The following TMPRSS11D variants were observed in gnomAD, a reference collection of about 807,000 sequenced individuals.
TMPRSS11D encodes the protein transmembrane serine protease 11D, also known as transmembrane protease serine 11D.
TMPRSS11D carries 32 observed loss-of-function variants against 44.4 expected under a neutral mutation model. The observed-to-expected ratio is 0.72, with a 90% CI of 0.54 to 0.97. The LOEUF (loss-of-function observed/expected upper bound fraction) is 0.97. TMPRSS11D is among the 50% of genes least tolerant of loss of function. The pLI is 0.00. For missense variants in TMPRSS11D, 446 were observed against 502.6 expected (o/e 0.89, Z 1.08); for synonymous variants, 179 against 177.9 (o/e 1.01, Z -0.05).
chr4:67,882,498 G>T (rs541019027), intron 1 of TMPRSS11D, among the ~76,000 whole-genome samples: 135 of 152,172 alleles, frequency 8.9e-4, no homozygotes, highest in African/African-American at 3.2e-3. Context: ...TTAGAAATTT[G>T]ATTGATTCAA....
intron 1 of TMPRSS11D, among the ~76,000 whole-genome samples, chr4:67,870,978 T>C (rs1437908785): frequency 6.6e-6 from 1 of 152,174 alleles, no homozygotes; most frequent in African/African-American, 2.4e-5. Context: ...GTGAGGATTT[T>C]TATGTTCCTT....
intron 1 of TMPRSS11D, among the ~76,000 whole-genome samples, chr4:67,872,061 A>G (rs1719073197): frequency 6.6e-6 from 1 of 152,148 alleles, no homozygotes. Context: ...GGATAGCCCA[A>G]CATGTACTGT....
intron 1 of TMPRSS11D, among the ~76,000 whole-genome samples, chr4:67,872,432 AT>A (rs1719081316): frequency 6.6e-6 from 1 of 152,094 alleles, no homozygotes; most frequent in Non-Finnish European, 1.5e-5. Flanking sequence ...GTGATATTTT[AT>A]TGTAAAAATG....
chr4:67,861,766 G>A (rs974428369), intron 1 of TMPRSS11D, among the ~76,000 whole-genome samples: 1 of 152,002 alleles, frequency 6.6e-6, no homozygotes. Context: ...CAAACAAAGG[G>A]TGTGGAGCCC....
chr4:67,832,235 G>C (rs1717962886), intron 7 of TMPRSS11D, among the ~76,000 whole-genome samples: 1 of 152,060 alleles, frequency 6.6e-6, no homozygotes, highest in African/African-American at 2.4e-5. Context: ...AGGAGGTCCA[G>C]TTTAGAGTAA....
chr4:67,826,671 A>T (rs990833403), intron 8 of TMPRSS11D, among the ~76,000 whole-genome samples: 2 of 150,632 alleles, frequency 1.3e-5, no homozygotes, highest in African/African-American at 2.4e-5. Context: ...AAATCCTCCC[A>T]TTGCTTTGGG....
At chr4:67,857,479 T>A (rs895887201) in intron 2 of TMPRSS11D, among the ~76,000 whole-genome samples, 1 of 152,012 alleles carries the variant, frequency 6.6e-6, no homozygotes, top group Admixed American at 6.6e-5. Flanking sequence ...CCAGGCATGG[T>A]GGCTCATGCC....
chr4:67,834,933 G>A (rs1254541464), intron 6 of TMPRSS11D, 150 bp downstream of exon 6: 4 of 711,536 alleles, frequency 5.6e-6, no homozygotes, highest in African/African-American at 5.4e-5. Flanking sequence ...CTTGGGATCA[G>A]CACTGTCTTG....
intron 1 of TMPRSS11D, among the ~76,000 whole-genome samples, chr4:67,873,062 T>G (rs1399199419): frequency 6.6e-6 from 1 of 152,094 alleles, no homozygotes; most frequent in Non-Finnish European, 1.5e-5. Flanking sequence ...TGTGTCAGAG[T>G]GGATAAAGGA....
intron 8 of TMPRSS11D, among the ~76,000 whole-genome samples, 192 bp from the exon 9 acceptor site, chr4:67,826,066 G>C (rs1717785412): frequency 6.6e-6 from 1 of 152,020 alleles, no homozygotes; most frequent in African/African-American, 2.4e-5. Flanking sequence ...CCCTTTCACA[G>C]ATCAGTTTTT....
In TMPRSS11D at chr4:67,833,349, A is replaced by T. The variant is rs201995425; in HGVS notation, c.547T>A (p.Ser183Thr). 189 of 1,584,412 alleles carry T rather than the reference A, an allele frequency of 1.2e-4. No individual in the cohort carries two copies. Among genetic ancestry groups the T allele is most frequent in the African/African-American group, 2.7e-5 (2 of 73,168 alleles). ...GTGCCTCCAAGGATTCTCTGCTCAG[A>T]CAATGTTATTAGGTCTGGACCGGCC... ...CGAGPDLITL[S>T]EQRILGGTEA... The change falls in exon 7 of 10, where the codon TCT becomes ACT. Residue 183 changes from serine to threonine, a missense_variant. Physicochemically the swap from Ser to Thr is moderately conservative, Grantham distance 58 (BLOSUM62 1). Transcript: ENST00000283916.
At position 67,859,538 on chromosome 4, in the gene TMPRSS11D, A is replaced by G. The variant is rs754209390; in HGVS notation, c.130+19T>C. ...ATGTAGCTATTAAATCTGAAGAGTA[A>G]TAATGTTCTGGTACTTACCAAAAGC... On this transcript the variant is annotated intron_variant, in intron 2 of 9. Transcript: ENST00000283916. The G allele has an allele frequency of 3.7e-6, 6 of 1,611,368 alleles. No individual in the cohort carries two copies. Among genetic ancestry groups the G allele is most frequent in the Non-Finnish European group, 5.1e-6 (6 of 1,178,242 alleles).
chr4:67,883,793 T>C (rs554223093), intron 1 of TMPRSS11D, 133 bp downstream of exon 1: 1 of 610,482 alleles, frequency 1.6e-6, no homozygotes, highest in African/African-American at 1.9e-5. Context: ...TCTAAGAGTT[T>C]CGATGAAGTT....
At chr4:67,864,794 A>G (rs1410007709) in intron 1 of TMPRSS11D, among the ~76,000 whole-genome samples, 6 of 151,928 alleles carry the variant, frequency 3.9e-5, no homozygotes, top group Non-Finnish European at 5.9e-5. Flanking sequence ...TTATTACATG[A>G]TAACAGAATC....
intron 3 of TMPRSS11D, 72 bp from the exon 4 acceptor site, chr4:67,842,697 C>A: frequency 7.4e-7 from 1 of 1,356,598 alleles, no homozygotes; most frequent in Non-Finnish European, 1.0e-6. Flanking sequence ...AACCTTGCAA[C>A]ATGAGACATG....
chr4:67,852,483 T>C (rs1352699040), intron 3 of TMPRSS11D, among the ~76,000 whole-genome samples: 5 of 152,150 alleles, frequency 3.3e-5, no homozygotes, highest in African/African-American at 9.7e-5. Flanking sequence ...AGACCATACT[T>C]CGAAAACCAC....
chr4:67,853,148 G>A (rs1718547855), intron 3 of TMPRSS11D, among the ~76,000 whole-genome samples: 1 of 152,114 alleles, frequency 6.6e-6, no homozygotes, highest in Non-Finnish European at 1.5e-5. Context: ...TTATTTTGTA[G>A]GCAAAAAGTC....
intron 3 of TMPRSS11D, among the ~76,000 whole-genome samples, chr4:67,850,293 G>C (rs1159940030): frequency 1.3e-5 from 2 of 152,198 alleles, no homozygotes. Context: ...CTACAAACCA[G>C]AAGGTGGCCC....
intron 1 of TMPRSS11D, among the ~76,000 whole-genome samples, chr4:67,861,635 A>G (rs1037556530): frequency 2.0e-5 from 3 of 152,110 alleles, no homozygotes; most frequent in African/African-American, 7.2e-5. Context: ...GCTAGAGTCA[A>G]TATGTGCTTT....
Sources: allele counts gnomAD v4.1 joint callset (sites outside exome capture counted in the v4.1 genomes callset), GRCh38; gene constraint gnomAD v4.1.1; transcripts MANE v1.5; gene names NCBI Gene and HGNC (gene_info 2026-07-23, HGNC 2026-07-21).